Variants in FSHR observed in about 807,000 individuals in gnomAD.
FSHR encodes follicle-stimulating hormone receptor.
In FSHR, 46 loss-of-function variants were observed where a neutral mutation model predicts 52.1. That is an observed-to-expected ratio of 0.88 (90% CI 0.70 to 1.13). FSHR has a LOEUF of 1.13. FSHR is among the 50% of genes most tolerant of loss of function. FSHR has a pLI of 0.00. For synonymous variants in FSHR, 399 were observed against 309.6 expected, an observed-to-expected ratio of 1.29 and a Z score of -3.03; for missense variants, 964 against 834.6, an observed-to-expected ratio of 1.16 and a Z score of -1.91.
At chr2:49,143,165 C>T (rs1672750587) in intron 1 of FSHR, among the ~76,000 whole-genome samples, 1 of 152,130 alleles carries the variant, frequency 6.6e-6, no homozygotes, top group African/African-American at 2.4e-5. Context: ...GGAACTCCAA[C>T]ATCTAGAGGC....
Position 49,119,968 on chromosome 2 carries a change from G to A in FSHR, c.152+34298C>T, listed in dbSNP as rs145270506. ...GCAGGCACATAGTGGGCTCTATGAC[G>A]GCTCTTTAAAGTGGGAGGAGGCTGG... On this transcript the variant is annotated intron_variant, in intron 1 of 9. Coordinates refer to ENST00000406846, the MANE Select transcript of FSHR (RefSeq NM_000145.4). Among the ~76,000 whole-genome samples the A allele has an allele frequency of 4.0e-3, 605 of 152,190 alleles. 6 individuals are homozygous for A. The highest frequency in any genetic ancestry group is 0.013 in the African/African-American group (552 of 41,538).
At chr2:49,034,003 T>C (rs557351257) in intron 2 of FSHR, among the ~76,000 whole-genome samples, 1 of 152,262 alleles carries the variant, frequency 6.6e-6, no homozygotes, top group Admixed American at 6.5e-5. Flanking sequence ...AGGTAATTAT[T>C]GTAGTGGCTG....
intron 2 of FSHR, among the ~76,000 whole-genome samples, chr2:49,037,076 A>T: frequency 6.6e-6 from 1 of 152,160 alleles, no homozygotes; most frequent in Non-Finnish European, 1.5e-5. Flanking sequence ...TTAGAGATGA[A>T]CTACTTGCAT....
At position 49,068,533 on chromosome 2, in the gene FSHR, C is replaced by T. The variant is rs1504167; in HGVS notation, c.153-243G>A. On this transcript the variant is annotated intron_variant, in intron 1 of 9. Transcript: ENST00000406846. ...AGAACAAAAAATTTACCCAGGGTCA[C>T]ATGGCTGATACATGACAGAGATGGA... 0.22 allele frequency among the ~76,000 whole-genome samples: 33,169 copies of T among 151,892 alleles called. 3,916 individuals carry two copies. Among genetic ancestry groups the T allele is most frequent in the South Asian group, 0.31 (1,489 of 4,808 alleles).
chr2:49,100,653 G>A (rs1191046714), intron 1 of FSHR, among the ~76,000 whole-genome samples: 1 of 152,286 alleles, frequency 6.6e-6, no homozygotes, highest in Admixed American at 6.5e-5. Context: ...GCAGAGAGAG[G>A]GATAGATCCC....
chr2:49,047,588 A>G (rs947771921), intron 2 of FSHR, among the ~76,000 whole-genome samples: 2 of 152,222 alleles, frequency 1.3e-5, no homozygotes, highest in African/African-American at 4.8e-5. Flanking sequence ...TTCCACCCTG[A>G]CTAAAATCCC....
At chr2:49,129,807 T>A (rs1672201034) in intron 1 of FSHR, among the ~76,000 whole-genome samples, 1 of 152,212 alleles carries the variant, frequency 6.6e-6, no homozygotes, top group African/African-American at 2.4e-5. Flanking sequence ...CCTTCAAAAT[T>A]CTGTACCATA....
Position 48,963,813 on chromosome 2 carries a change from G to C in FSHR, c.1008C>G (p.Asp336Glu), listed in dbSNP as rs777679833. ...TCACGTCAACCACTTCATTGCATAA[G>C]TCATAGTCAAACTCAGTGTACGTCA... The part of the protein sequence containing the change: ...FDMTYTEFDY[D>E]LCNEVVDVTC... The change falls in exon 10 of 10, where the codon GAC (aspartate) becomes GAG (glutamate). Residue 336 changes from aspartate (D) to glutamate (E), a missense_variant. Transcript: ENST00000406846. 7 of 1,614,142 alleles carry C rather than the reference G, an allele frequency of 4.3e-6. No homozygotes were observed. Among genetic ancestry groups the C allele is most frequent in the South Asian group, 1.1e-5 (1 of 91,082 alleles).
At chr2:49,013,969 G>T (rs1667391934) in intron 4 of FSHR, among the ~76,000 whole-genome samples, 1 of 152,020 alleles carries the variant, frequency 6.6e-6, no homozygotes, top group Non-Finnish European at 1.5e-5. Flanking sequence ...CCAAGGTAAG[G>T]CCATGTGCAT....
At chr2:49,154,033 G>C (rs1260495803) in intron 1 of FSHR, among the ~76,000 whole-genome samples, 2 of 152,090 alleles carry the variant, frequency 1.3e-5, no homozygotes, top group South Asian at 4.1e-4. Context: ...TTTGGATTCC[G>C]GTTCTCTGAC....
intron 2 of FSHR, among the ~76,000 whole-genome samples, chr2:49,028,453 G>A (rs142972855): frequency 2.1e-4 from 32 of 152,304 alleles, no homozygotes; most frequent in African/African-American, 6.7e-4. Context: ...CCTTGGACAA[G>A]TCAATTAATA....
At chr2:49,138,842 G>C (rs1672576098) in intron 1 of FSHR, among the ~76,000 whole-genome samples, 2 of 152,106 alleles carry the variant, frequency 1.3e-5, no homozygotes, top group Non-Finnish European at 2.9e-5. Context: ...TTGTATGTGA[G>C]TTATAGCTCA....
chr2:49,139,683 C>T (rs1220351134), intron 1 of FSHR, among the ~76,000 whole-genome samples: 1 of 151,248 alleles, frequency 6.6e-6, no homozygotes, highest in Non-Finnish European at 1.5e-5. Flanking sequence ...CTGCAAGCTC[C>T]GTCTCCTGGG....
At chr2:49,068,135 G>A in intron 2 of FSHR, 84 bp downstream of exon 2, 1 of 1,008,202 alleles carries the variant, frequency 9.9e-7, no homozygotes, top group South Asian at 1.3e-5. Context: ...GCTACTAAGT[G>A]CAGATAGTCA....
At chr2:49,054,150 T>C (rs910855505) in intron 2 of FSHR, among the ~76,000 whole-genome samples, 1 of 152,186 alleles carries the variant, frequency 6.6e-6, no homozygotes, top group Non-Finnish European at 1.5e-5. Context: ...TGTTTTCTTA[T>C]CTATAACATA....
chr2:48,962,717 A>G lies in FSHR; in HGVS notation c.*16T>C, dbSNP rs972146982. 1 of 1,610,552 alleles carries G rather than the reference A, an allele frequency of 6.2e-7. No individual in the cohort carries two copies. The highest frequency in any genetic ancestry group is 1.3e-5 in the African/African-American group (1 of 74,926). On this transcript the variant is annotated 3_prime_UTR_variant, in exon 10 of 10. Coordinates refer to ENST00000406846, the MANE Select transcript of FSHR (RefSeq NM_000145.4). ...GAATTATCATTCAATACTCAGATAC[A>G]TTTTCACATTGTGTTTTAGTTTTGG... is the stretch of plus-strand genomic sequence containing the variant.
intron 4 of FSHR, among the ~76,000 whole-genome samples, chr2:49,004,943 C>G (rs182101529): frequency 2.5e-3 from 388 of 152,228 alleles, no homozygotes; most frequent in Middle Eastern, 6.8e-3. Context: ...CACCTATGTG[C>G]TATTTGAGTG....
At chr2:48,991,813 T>C (rs1675794873) in intron 4 of FSHR, among the ~76,000 whole-genome samples, 1 of 152,190 alleles carries the variant, frequency 6.6e-6, no homozygotes, top group African/African-American at 2.4e-5. Flanking sequence ...TCCCATTCCC[T>C]TTTCTGTATG....
chr2:49,109,014 A>G (rs1416999957), intron 1 of FSHR, among the ~76,000 whole-genome samples: 1 of 152,188 alleles, frequency 6.6e-6, no homozygotes, highest in East Asian at 1.9e-4. Flanking sequence ...TTAAAATGTC[A>G]GAGGAGATGT....
Sources: gnomAD v4.1 joint callset for allele counts (sites outside exome capture counted in the v4.1 genomes callset) on GRCh38, gnomAD v4.1.1 for gene constraint, MANE v1.5 for transcripts, NCBI Gene and HGNC (gene_info 2026-07-23, HGNC 2026-07-21) for gene names.